ZFPM2: variants seen among roughly 807,000 people sequenced by gnomAD.
ZFPM2 encodes the protein zinc finger protein ZFPM2.
A neutral mutation model predicts 98.6 loss-of-function variants in ZFPM2; 20 were observed. That is an observed-to-expected ratio of 0.20 (90% CI 0.14 to 0.29). The LOEUF (loss-of-function observed/expected upper bound fraction) is 0.29. Among genes scored for constraint, ZFPM2 ranks in the 10% least tolerant of loss-of-function variants. The pLI is 1.00. For missense variants in ZFPM2, 1,310 were observed against 1,388.6 expected, an observed-to-expected ratio of 0.94 and a Z score of 0.90; for synonymous variants, 518 against 502.7, an observed-to-expected ratio of 1.03 and a Z score of -0.41.
At chr8:105,524,058 A>G (rs1814118686) in intron 3 of ZFPM2, among the ~76,000 whole-genome samples, 2 of 152,210 alleles carry the variant, frequency 1.3e-5, no homozygotes, top group African/African-American at 4.8e-5. Flanking sequence ...GTAATATATG[A>G]AAATACTCAT....
chr8:105,427,246 G>A (rs530659828), intron 2 of ZFPM2, among the ~76,000 whole-genome samples: 3 of 152,198 alleles, frequency 2.0e-5, no homozygotes, highest in East Asian at 1.9e-4. Flanking sequence ...GTCAGATAAA[G>A]CTTTGTCTAC....
At chr8:105,335,185 TTC>T (rs1178963860) in intron 1 of ZFPM2, among the ~76,000 whole-genome samples, 6 of 151,724 alleles carry the variant, frequency 4.0e-5, no homozygotes, top group Middle Eastern at 3.2e-3. Context: ...AAATATTTGT[TTC>T]TCTCATTTGA....
In ZFPM2 at chr8:105,439,536, G is replaced by A. The variant is rs57570423; in HGVS notation, c.200-4744G>A. 3.4e-3 allele frequency among the ~76,000 whole-genome samples: 521 copies of A among 152,274 alleles called. 7 individuals are homozygous for A. The highest frequency in any genetic ancestry group is 0.012 in the African/African-American group (482 of 41,548). On this transcript the variant is annotated intron_variant, in intron 2 of 7. Transcript: ENST00000407775. ...TGCTTCAATCTGCCACCCCTGTGAT[G>A]TGTGGGAAGCACTTATTGCTGGAAC...
At chr8:105,667,458 G>A (rs938562895) in intron 5 of ZFPM2, among the ~76,000 whole-genome samples, 4 of 152,160 alleles carry the variant, frequency 2.6e-5, no homozygotes, top group African/African-American at 9.7e-5. Context: ...TATGTGAATA[G>A]ATTTAAAAAT....
intron 3 of ZFPM2, among the ~76,000 whole-genome samples, chr8:105,515,405 T>C (rs1486350406): frequency 6.6e-6 from 1 of 152,170 alleles, no homozygotes; most frequent in Admixed American, 6.5e-5. Flanking sequence ...GCATGTAATT[T>C]CTCACTTGAT....
intron 6 of ZFPM2, among the ~76,000 whole-genome samples, chr8:105,796,062 TATC>T (rs1813799841): frequency 6.6e-6 from 1 of 152,228 alleles, no homozygotes; most frequent in South Asian, 2.1e-4. Context: ...TTAAAGAAAT[TATC>T]AGATGAGTCT....
chr8:105,543,054 A>G (rs1338632185), intron 3 of ZFPM2, among the ~76,000 whole-genome samples: 1 of 152,180 alleles, frequency 6.6e-6, no homozygotes, highest in Non-Finnish European at 1.5e-5. Context: ...ATTGAAATGC[A>G]TAATTAAAGG....
intron 5 of ZFPM2, among the ~76,000 whole-genome samples, chr8:105,639,615 G>A (rs1463672909): frequency 2.0e-5 from 3 of 152,012 alleles, no homozygotes; most frequent in Admixed American, 6.6e-5. Context: ...AATAGCAATG[G>A]CTACCATGCA....
At chr8:105,789,064 TATTTA>T (rs1367782831) in intron 6 of ZFPM2, 140 bp downstream of exon 6, 2 of 700,988 alleles carry the variant, frequency 2.9e-6, no homozygotes, top group East Asian at 2.8e-5. Context: ...TCTTTTTAAA[TATTTA>T]ATTTGAGAAA....
intron 1 of ZFPM2, among the ~76,000 whole-genome samples, chr8:105,325,713 A>G (rs1812102048): frequency 1.3e-5 from 2 of 151,760 alleles, no homozygotes; most frequent in Non-Finnish European, 3.0e-5. Context: ...AGGGATAGGT[A>G]AGATTTAAAT....
chr8:105,635,715 G>C (rs986701393), intron 5 of ZFPM2, among the ~76,000 whole-genome samples: 31 of 152,286 alleles, frequency 2.0e-4, no homozygotes, highest in African/African-American at 5.5e-4. Context: ...AGGACCACTT[G>C]TTGGGGACAA....
At chr8:105,613,830 C>G (rs778831742) in intron 4 of ZFPM2, among the ~76,000 whole-genome samples, 1 of 151,832 alleles carries the variant, frequency 6.6e-6, no homozygotes, top group Non-Finnish European at 1.5e-5. Context: ...TTTTGCCCCC[C>G]AAAAAAGGCA....
Position 105,330,318 on chromosome 8 carries a change from T to A in ZFPM2, c.40+11337T>A, listed in dbSNP as rs544504975. Reference sequence around the variant, plus strand: ...GTAGGCTTAATATCAGGAAGGTGAATTCTGCAAGGTGCTGTATTGCTGATA... The same window carrying A: ...GTAGGCTTAATATCAGGAAGGTGAAATCTGCAAGGTGCTGTATTGCTGATA... On this transcript the variant is annotated intron_variant, in intron 1 of 7. Transcript: ENST00000407775. Among the ~76,000 whole-genome samples the A allele has an allele frequency of 2.0e-5, 3 of 151,364 alleles. No homozygotes were observed. The Admixed American group carries it at 2.0e-4, about 10-fold the overall frequency.
intron 1 of ZFPM2, among the ~76,000 whole-genome samples, chr8:105,383,596 A>G (rs1810929085): frequency 6.6e-6 from 1 of 152,120 alleles, no homozygotes; most frequent in Non-Finnish European, 1.5e-5. Flanking sequence ...TTGTAATTGC[A>G]TAGTTCTTTG....
chr8:105,574,288 C>T (rs542912564), intron 4 of ZFPM2, among the ~76,000 whole-genome samples: 1 of 152,320 alleles, frequency 6.6e-6, no homozygotes, highest in Admixed American at 6.5e-5. Flanking sequence ...CATTTATCAT[C>T]TAAGCAGACA....
intron 5 of ZFPM2, among the ~76,000 whole-genome samples, chr8:105,706,746 A>G (rs936416768): frequency 1.4e-4 from 22 of 151,854 alleles, no homozygotes; most frequent in African/African-American, 5.1e-4. Context: ...TGTCTGGCTA[A>G]TTTTTGTATT....
At chr8:105,473,035 C>G (rs1345039386) in intron 3 of ZFPM2, among the ~76,000 whole-genome samples, 1 of 151,924 alleles carries the variant, frequency 6.6e-6, no homozygotes, top group African/African-American at 2.4e-5. Context: ...GCTAGGACTA[C>G]AGGCACACAC....
At chr8:105,502,979 A>G (rs1208333589) in intron 3 of ZFPM2, among the ~76,000 whole-genome samples, 1 of 152,194 alleles carries the variant, frequency 6.6e-6, no homozygotes, top group Non-Finnish European at 1.5e-5. Flanking sequence ...ACTGGTATAG[A>G]GGCATGTAGA....
intron 2 of ZFPM2, among the ~76,000 whole-genome samples, chr8:105,421,000 C>T (rs1287710236): frequency 6.6e-6 from 1 of 152,032 alleles, no homozygotes; most frequent in East Asian, 1.9e-4. Context: ...GGGTTCTTTA[C>T]TCTTACTCTT....
Sources: gnomAD v4.1 joint callset for allele counts (sites outside exome capture counted in the v4.1 genomes callset) on GRCh38, gnomAD v4.1.1 for gene constraint, MANE v1.5 for transcripts, NCBI Gene and HGNC (gene_info 2026-07-23, HGNC 2026-07-21) for gene names.